LDLRAD3: variants seen among roughly 807,000 people sequenced by gnomAD.
LDLRAD3 encodes the protein low density lipoprotein receptor class A domain containing 3, also known as low-density lipoprotein receptor class A domain-containing protein 3.
LDLRAD3 carries 20 observed loss-of-function variants against 29.4 expected under a neutral mutation model. The observed-to-expected ratio is 0.68, with a 90% CI of 0.48 to 0.99. LDLRAD3 has a LOEUF of 0.99. Among genes scored for constraint, LDLRAD3 ranks in the 50% least tolerant of loss-of-function variants. The pLI, the probability that LDLRAD3 is intolerant of heterozygous loss-of-function variation, is 0.00. For missense variants in LDLRAD3, 420 were observed against 454.3 expected (o/e 0.92, Z 0.69); for synonymous variants, 157 against 192.7 (o/e 0.81, Z 1.53).
intron 4 of LDLRAD3, among the ~76,000 whole-genome samples, chr11:36,115,644 A>G (rs2133290903): frequency 6.6e-6 from 1 of 152,286 alleles, no homozygotes; most frequent in Non-Finnish European, 1.5e-5. Flanking sequence ...CCCCACGGTC[A>G]CATCCGCAAA....
intron 1 of LDLRAD3, among the ~76,000 whole-genome samples, chr11:35,971,703 T>C (rs756263085): frequency 6.6e-6 from 1 of 152,108 alleles, no homozygotes; most frequent in Non-Finnish European, 1.5e-5. Flanking sequence ...GGTACGAATA[T>C]AGAACCAAAA....
chr11:36,070,169 A>G (rs1354819780), intron 2 of LDLRAD3, among the ~76,000 whole-genome samples: 1 of 152,248 alleles, frequency 6.6e-6, no homozygotes, highest in East Asian at 1.9e-4. Flanking sequence ...CCAGACAGGT[A>G]ATAGAATGCT....
At chr11:36,019,429 A>G (rs1035566243) in intron 1 of LDLRAD3, among the ~76,000 whole-genome samples, 2 of 152,158 alleles carry the variant, frequency 1.3e-5, no homozygotes, top group Non-Finnish European at 2.9e-5. Flanking sequence ...GTGTGGAGCC[A>G]TTATTCCTCT....
At chr11:36,002,848 C>G (rs963310968) in intron 1 of LDLRAD3, among the ~76,000 whole-genome samples, 1 of 152,198 alleles carries the variant, frequency 6.6e-6, no homozygotes, top group African/African-American at 2.4e-5. Flanking sequence ...AATAAGGTGG[C>G]ATTTATGCCA....
intron 2 of LDLRAD3, among the ~76,000 whole-genome samples, chr11:36,044,525 C>G (rs1396429335): frequency 6.6e-6 from 1 of 152,220 alleles, no homozygotes; most frequent in East Asian, 1.9e-4. Flanking sequence ...CCATCCTCCG[C>G]TTCCCCTTCC....
intron 4 of LDLRAD3, among the ~76,000 whole-genome samples, chr11:36,154,201 A>G (rs2133330618): frequency 6.6e-6 from 1 of 152,276 alleles, no homozygotes; most frequent in Middle Eastern, 3.4e-3. Flanking sequence ...TTGAGCTCAG[A>G]GAATGCCACA....
chr11:36,032,266 C>T (rs1176142664), intron 1 of LDLRAD3, among the ~76,000 whole-genome samples: 1 of 152,082 alleles, frequency 6.6e-6, no homozygotes, highest in African/African-American at 2.4e-5. Flanking sequence ...GAAGAATGTC[C>T]GGGGTCAGCA....
At chr11:36,083,084 C>T (rs539558758) in intron 3 of LDLRAD3, among the ~76,000 whole-genome samples, 2 of 152,270 alleles carry the variant, frequency 1.3e-5, no homozygotes, top group African/African-American at 2.4e-5. Flanking sequence ...TTTTCCAAAT[C>T]CTCTGCCCCA....
At chr11:36,181,998 C>T (rs1416400474) in intron 4 of LDLRAD3, among the ~76,000 whole-genome samples, 1 of 152,156 alleles carries the variant, frequency 6.6e-6, no homozygotes, top group Non-Finnish European at 1.5e-5. Flanking sequence ...AATAAAAAGT[C>T]AGACTGAGTG....
intron 4 of LDLRAD3, among the ~76,000 whole-genome samples, chr11:36,226,065 T>A (rs1855494000): frequency 1.2e-5 from 1 of 82,512 alleles, no homozygotes; most frequent in Non-Finnish European, 2.7e-5. Context: ...AGACCCTGTC[T>A]CAAATAAATA....
At chr11:36,151,547 C>G (rs1350255452) in intron 4 of LDLRAD3, among the ~76,000 whole-genome samples, 3 of 152,202 alleles carry the variant, frequency 2.0e-5, no homozygotes, top group African/African-American at 2.4e-5. Flanking sequence ...GTAGTCAACT[C>G]AGGTCTCTTT....
chr11:35,963,404 T>C (rs549629946), intron 1 of LDLRAD3, among the ~76,000 whole-genome samples: 260 of 151,754 alleles, frequency 1.7e-3, no homozygotes, highest in African/African-American at 5.9e-3. Flanking sequence ...AATTGTTTCC[T>C]TGCCTCTCCC....
intron 2 of LDLRAD3, among the ~76,000 whole-genome samples, chr11:36,050,836 G>A (rs891680761): frequency 2.8e-4 from 42 of 152,276 alleles, no homozygotes; most frequent in Admixed American, 9.8e-4. Context: ...GTTCTGGAGT[G>A]GGAAAGTCCA....
At chr11:36,036,551 C>T (rs1852307840) in intron 2 of LDLRAD3, among the ~76,000 whole-genome samples, 1 of 152,160 alleles carries the variant, frequency 6.6e-6, no homozygotes, top group African/African-American at 2.4e-5. Context: ...TACGAGCCAA[C>T]TGAGCATCCC....
intron 4 of LDLRAD3, among the ~76,000 whole-genome samples, chr11:36,177,502 C>CA (rs1854695933): frequency 2.0e-5 from 3 of 152,206 alleles, no homozygotes. Context: ...TTTTGTCCCA[C>CA]AGGGTGGTCC....
intron 1 of LDLRAD3, chr11:35,997,342 A>T (rs1851767859): frequency 2.2e-6 from 1 of 459,958 alleles, no homozygotes; most frequent in African/African-American, 2.0e-5. Flanking sequence ...TCTGTGAAGC[A>T]ATGTTGACAA....
At chr11:36,047,603 C>T (rs1852468774) in intron 2 of LDLRAD3, among the ~76,000 whole-genome samples, 1 of 152,118 alleles carries the variant, frequency 6.6e-6, no homozygotes, top group South Asian at 2.1e-4. Context: ...ATAAATGCAC[C>T]ATGTGTGTAT....
chr11:36,202,166 G>A (rs12794448), intron 4 of LDLRAD3, among the ~76,000 whole-genome samples: 43,773 of 151,108 alleles, frequency 0.29, 6,391 homozygotes, highest in African/African-American at 0.33. Context: ...CTCAGCCTCC[G>A]GAGTAGCCAG....
intron 5 of LDLRAD3, among the ~76,000 whole-genome samples, chr11:36,228,548 T>A (rs1029821578): frequency 6.6e-6 from 1 of 152,230 alleles, no homozygotes; most frequent in Non-Finnish European, 1.5e-5. Context: ...AATGCCCACC[T>A]CCCAGCATTC....
Sources: allele counts gnomAD v4.1 joint callset (sites outside exome capture counted in the v4.1 genomes callset), GRCh38; gene constraint gnomAD v4.1.1; transcripts MANE v1.5; gene names NCBI Gene and HGNC (gene_info 2026-07-23, HGNC 2026-07-21).